The following BPHL variants were observed in gnomAD, a reference collection of about 807,000 sequenced individuals.
The protein encoded by BPHL is biphenyl hydrolase like.
Under a neutral mutation model 31.2 loss-of-function variants are expected in BPHL, and 27 were observed. That is an observed-to-expected ratio of 0.87 (90% CI 0.64 to 1.19). The LOEUF (loss-of-function observed/expected upper bound fraction) is 1.19, where lower values mean the gene tolerates loss of function less well. BPHL is among the 50% of genes most tolerant of loss of function. The pLI is 0.00. For synonymous variants in BPHL, 150 were observed against 146.8 expected, an observed-to-expected ratio of 1.02 and a Z score of -0.16; for missense variants, 356 against 375.7, an observed-to-expected ratio of 0.95 and a Z score of 0.43.
At chr6:3,119,175 C>A in intron 1 of BPHL, 1 of 1,032,194 alleles carries the variant, frequency 9.7e-7, no homozygotes, top group Non-Finnish European at 1.4e-6. Flanking sequence ...TATGGACTCA[C>A]CCGTGACGGA....
intron 6 of BPHL, among the ~76,000 whole-genome samples, chr6:3,146,451 G>A (rs1404717079): frequency 4.5e-5 from 6 of 134,540 alleles, no homozygotes; most frequent in African/African-American, 9.3e-5. Context: ...GGTTTGGGTC[G>A]GAGTGCTGGT....
At chr6:3,134,001 T>G (rs1374901249) in intron 4 of BPHL, among the ~76,000 whole-genome samples, 1 of 152,230 alleles carries the variant, frequency 6.6e-6, no homozygotes, top group Non-Finnish European at 1.5e-5. Flanking sequence ...ACTTCTTAAT[T>G]CACTAGCCAA....
At chr6:3,119,615 C>T in intron 1 of BPHL, 2 of 1,481,540 alleles carry the variant, frequency 1.3e-6, no homozygotes, top group Non-Finnish European at 1.9e-6. Context: ...GATAGAGCGG[C>T]ATGAAGCTTG....
Position 3,140,063 on chromosome 6 carries a change from A to T in BPHL, c.665-323A>T. ...GTGTCAAGCACCTACCACTGTTTTC[A>T]CGGTGGGAACCGCCACTGTGGAATA... On this transcript the variant is annotated intron_variant, in intron 5 of 6. Coordinates refer to ENST00000380379, the MANE Select transcript of BPHL (RefSeq NM_004332.4). The surrounding 1 kb of genome is among the most constrained non-coding windows in gnomAD (Gnocchi z 5.2). The T allele has an allele frequency of 3.3e-6, 1 of 304,560 alleles. No individual in the cohort carries two copies. Among genetic ancestry groups the T allele is most frequent in the Non-Finnish European group, 6.2e-6 (1 of 161,650 alleles). 18.9% of individuals were successfully genotyped at this position (304,560 alleles called of 1,614,324 possible). A position where few individuals can be genotyped will look rare whatever the true frequency, so the allele number is the denominator to read the frequency against.
chr6:3,137,961 G>A lies in BPHL; in HGVS notation c.664+468G>A, dbSNP rs535004676. On this transcript the variant is annotated intron_variant, in intron 5 of 6. Coordinates refer to ENST00000380379, the MANE Select transcript of BPHL (RefSeq NM_004332.4). The stretch of plus-strand genomic sequence containing the variant: ...ATTAATATGAGGAAGAAAATATTCT[G>A]TTTTTTCCATCTTCAGAACTAAGTG... 127 of 1,268,094 alleles carry A rather than the reference G, an allele frequency of 1.0e-4. 1 individual carries two copies. The Middle Eastern group carries it at 1.5e-3, about 15-fold the overall frequency. 78.6% of individuals were successfully genotyped at this position (1,268,094 alleles called of 1,614,324 possible).
rs1362592912 is a variant in BPHL, at chr6:3,140,527, C to T, written c.788+18C>T. 3 of 1,612,542 alleles carry T rather than the reference C, an allele frequency of 1.9e-6. No homozygotes were observed. The highest frequency in any genetic ancestry group is 2.2e-5 in the South Asian group (2 of 90,972). On this transcript the variant is annotated intron_variant, in intron 6 of 6. Coordinates refer to ENST00000380379, the MANE Select transcript of BPHL (RefSeq NM_004332.4). The surrounding 1 kb of genome is among the most constrained non-coding windows in gnomAD (Gnocchi z 5.2). ...GGCTCACGGTAAGTCCTGTCACCGC[C>T]TTCACACTCCCCCCGAGAGCCTCGG...
At position 3,127,106 on chromosome 6, in the gene BPHL, C is replaced by T. The variant is rs1410358105; in HGVS notation, c.212-136C>T. ...GTGGATGGATTAAGTCATTGCAAGG[C>T]TGCTTTCCTGATTACATTCTGACCA... is the stretch of plus-strand genomic sequence containing the variant. On this transcript the variant is annotated intron_variant, in intron 2 of 6. Coordinates refer to ENST00000380379, the MANE Select transcript of BPHL (RefSeq NM_004332.4). 1.6e-5 allele frequency: 9 copies of T among 549,802 alleles called. No homozygotes were observed. The South Asian group carries it at 4.4e-4, about 27-fold the overall frequency. 34.1% of individuals were successfully genotyped at this position (549,802 alleles called of 1,614,324 possible).
chr6:3,146,581 T>TGCTGGTTTGGGTCG (rs1762379925), intron 6 of BPHL, among the ~76,000 whole-genome samples: 2 of 60,838 alleles, frequency 3.3e-5, no homozygotes, highest in East Asian at 4.7e-4. Context: ...CGGGGTGGAG[T>TGCTGGTTTGGGTCG]ACTGGTTTGG....
intron 3 of BPHL, among the ~76,000 whole-genome samples, chr6:3,128,215 G>A (rs1761770752): frequency 6.6e-6 from 1 of 152,060 alleles, no homozygotes; most frequent in Admixed American, 6.5e-5. Context: ...TCTGTTGCTC[G>A]TGGGCATTTT....
chr6:3,118,561 C>A (rs1761453006), upstream of BPHL: 16 of 422,434 alleles, frequency 3.8e-5, no homozygotes, highest in Admixed American at 6.2e-4. Context: ...AGCCGAGTTT[C>A]GGTCGCCCAT....
At chr6:3,147,088 C>T (rs1762405562) in intron 6 of BPHL, among the ~76,000 whole-genome samples, 1 of 152,044 alleles carries the variant, frequency 6.6e-6, no homozygotes, top group African/African-American at 2.4e-5. Context: ...ATGCTGAAAC[C>T]TCGTCTCTAC....
At chr6:3,124,576 TAA>T (rs35101195) in intron 2 of BPHL, among the ~76,000 whole-genome samples, 9,794 of 152,194 alleles carry the variant, frequency 0.064, 1,086 homozygotes, top group African/African-American at 0.22. Flanking sequence ...CTGTATACTT[TAA>T]GTCATGTCTA....
At chr6:3,145,294 C>G (rs1239269117) in intron 6 of BPHL, among the ~76,000 whole-genome samples, 9 of 6,148 alleles carry the variant, frequency 1.5e-3, no homozygotes, top group African/African-American at 4.2e-3. Flanking sequence ...GGTTCGGGTC[C>G]GAGTGCTGGT....
At chr6:3,135,322 C>G (rs1420791443) in intron 4 of BPHL, among the ~76,000 whole-genome samples, 1 of 152,338 alleles carries the variant, frequency 6.6e-6, no homozygotes, top group South Asian at 2.1e-4. Context: ...TTGTCTCCCC[C>G]ATTCTGCAGT....
At position 3,149,119 on chromosome 6, in the gene BPHL, G is replaced by A. The variant is rs888500082; in HGVS notation, c.789-3369G>A. Among the ~76,000 whole-genome samples, 35 of 152,228 alleles carry A rather than the reference G, an allele frequency of 2.3e-4. No individual in the cohort carries two copies. The South Asian group carries it at 2.9e-3, about 13-fold the overall frequency. On this transcript the variant is annotated intron_variant, in intron 6 of 6. Coordinates refer to ENST00000380379, the MANE Select transcript of BPHL (RefSeq NM_004332.4). The surrounding 1 kb of genome is among the most constrained non-coding windows in gnomAD (Gnocchi z 4.6). ...TATGGGGTAGATTCTATTACTGTCC[G>A]CATTTTCCAGATGAGGAATTGTGAC...
At chr6:3,151,653 A>T (rs1762527697) in intron 6 of BPHL, among the ~76,000 whole-genome samples, 1 of 152,240 alleles carries the variant, frequency 6.6e-6, no homozygotes, top group South Asian at 2.1e-4. Context: ...ATCATTGTAG[A>T]CAAAGTGGCT....
intron 6 of BPHL, chr6:3,150,145 A>G (rs1354011570): frequency 2.0e-5 from 3 of 152,196 alleles, no homozygotes; most frequent in Non-Finnish European, 2.9e-5. Flanking sequence ...TAAACACAAA[A>G]GTACGTACTG....
At chr6:3,132,462 C>T (rs1016367185) in intron 4 of BPHL, among the ~76,000 whole-genome samples, 1 of 152,178 alleles carries the variant, frequency 6.6e-6, no homozygotes, top group Non-Finnish European at 1.5e-5. Context: ...ACACCTCACA[C>T]CTGAGTAGCT....
intron 4 of BPHL, among the ~76,000 whole-genome samples, chr6:3,136,552 A>G (rs868580586): frequency 5.9e-5 from 9 of 152,252 alleles, no homozygotes; most frequent in Admixed American, 2.0e-4. Context: ...CACTAAGCAC[A>G]CAGTGAGTGC....
Sources: gnomAD v4.1 joint callset for allele counts (sites outside exome capture counted in the v4.1 genomes callset) on GRCh38, gnomAD v4.1.1 for gene constraint, Gnocchi (gnomAD v3.1) non-coding constraint, MANE v1.5 for transcripts, NCBI Gene and HGNC (gene_info 2026-07-23, HGNC 2026-07-21) for gene names.